The following ORC3 variants were observed in gnomAD, a reference collection of about 807,000 sequenced individuals.
ORC3 encodes origin recognition complex subunit 3, also known as homolog of latheo, Drosophila.
In ORC3, 78 loss-of-function variants were observed where a neutral mutation model predicts 100.7. The ratio of observed to expected loss-of-function variants is 0.77; its 90% confidence interval spans 0.65 to 0.94. ORC3 has a LOEUF of 0.94. ORC3 is among the 40% of genes least tolerant of loss of function. The pLI, the probability that ORC3 is intolerant of heterozygous loss-of-function variation, is 0.00. For missense variants in ORC3, 789 were observed against 823.9 expected (o/e 0.96, Z 0.52); for synonymous variants, 295 against 289.3 (o/e 1.02, Z -0.20).
At chr6:87,651,001 G>A in intron 13 of ORC3, 1 of 364,122 alleles carries the variant, frequency 2.7e-6, no homozygotes, top group Non-Finnish European at 5.4e-6. Flanking sequence ...GAGCAAAACT[G>A]CGTCTCAAAG....
In ORC3 at chr6:87,646,004, T is replaced by TC. The variant is rs1554251608; in HGVS notation, c.1383-7112_1383-7111insC. Among the ~76,000 whole-genome samples the TC allele has an allele frequency of 2.9e-3, 429 of 149,798 alleles. 7 individuals carry two copies. The highest frequency in any genetic ancestry group is 0.01 in the African/African-American group (407 of 40,402). On this transcript the variant is annotated intron_variant, in intron 13 of 19. Coordinates refer to ENST00000392844, the MANE Select transcript of ORC3 (RefSeq NM_012381.4). ...TTTTTCTTTTTTTTTTCTTTTTTTT[T>TC]GAGGCGGAGTCTTGCGCTGTTGCCC...
chr6:87,603,299 A>G lies in ORC3; in HGVS notation c.178-85A>G, dbSNP rs549366541. On this transcript the variant is annotated intron_variant, in intron 3 of 19. Transcript: ENST00000392844. Reference sequence around the variant, plus strand: ...TCTTTTGATCATTTTACATCATTGAATCCATGACAATTTTCTTTCCACAAC... The same window carrying G: ...TCTTTTGATCATTTTACATCATTGAGTCCATGACAATTTTCTTTCCACAAC... 89 of 684,796 alleles carry G rather than the reference A, an allele frequency of 1.3e-4. No homozygotes were observed. In the South Asian group the frequency reaches 3.4e-3, roughly 26 times the overall value. 42.4% of individuals were successfully genotyped at this position (684,796 alleles called of 1,614,324 possible). A position where few individuals can be genotyped will look rare whatever the true frequency, so the allele number is the denominator to read the frequency against.
chr6:87,660,905 T>C (rs1770129237), intron 16 of ORC3, among the ~76,000 whole-genome samples: 1 of 152,226 alleles, frequency 6.6e-6, no homozygotes, highest in Non-Finnish European at 1.5e-5. Flanking sequence ...TAATGTATAA[T>C]GTATTTTGTT....
At chr6:87,654,435 A>G (rs1466225304) in intron 14 of ORC3, among the ~76,000 whole-genome samples, 1 of 152,232 alleles carries the variant, frequency 6.6e-6, no homozygotes, top group Non-Finnish European at 1.5e-5. Flanking sequence ...TTCAGAACAC[A>G]AAAACTTTTA....
chr6:87,651,490 A>T (rs1769262769), intron 13 of ORC3: 1 of 302,834 alleles, frequency 3.3e-6, no homozygotes, highest in Admixed American at 3.9e-5. Flanking sequence ...TTTAAATCTC[A>T]ACTGTAATCA....
At chr6:87,594,732 T>G (rs1777304544) in intron 2 of ORC3, 1 of 231,974 alleles carries the variant, frequency 4.3e-6, no homozygotes, top group Non-Finnish European at 7.5e-6. Context: ...GAAAGTGAGT[T>G]TCTGCTAGAG....
intron 14 of ORC3, among the ~76,000 whole-genome samples, chr6:87,654,609 G>A (rs1769526232): frequency 2.0e-5 from 3 of 152,116 alleles, no homozygotes; most frequent in Admixed American, 6.5e-5. Flanking sequence ...TTTTTCTGTC[G>A]CTAATTCACG....
At chr6:87,591,585 T>C (rs1776969016) in intron 1 of ORC3, among the ~76,000 whole-genome samples, 1 of 152,218 alleles carries the variant, frequency 6.6e-6, no homozygotes, top group African/African-American at 2.4e-5. Context: ...GCACCTCTTA[T>C]TTTTATGTAT....
chr6:87,645,808 T>G (rs1376126182), intron 13 of ORC3, among the ~76,000 whole-genome samples: 1 of 152,164 alleles, frequency 6.6e-6, no homozygotes, highest in Admixed American at 6.5e-5. Context: ...TAATGATTGC[T>G]TAATGATTCT....
At chr6:87,605,633 G>C (rs1447668647) in intron 4 of ORC3, among the ~76,000 whole-genome samples, 1 of 150,872 alleles carries the variant, frequency 6.6e-6, no homozygotes, top group African/African-American at 2.4e-5. Context: ...CTGGATGACA[G>C]AGCGAGATTC....
chr6:87,622,017 G>T lies in ORC3; in HGVS notation c.1185+4G>T. 1 of 1,591,596 alleles carries T rather than the reference G, an allele frequency of 6.3e-7. No homozygotes were observed. Among genetic ancestry groups the T allele is most frequent in the South Asian group, 1.1e-5 (1 of 89,564 alleles). ...GACCAATGAGAGATATTTGAAGGTA[G>T]GAATGTGAATGTGTTTCAGTTTCAT... is the stretch of plus-strand genomic sequence containing the variant. On this transcript the variant is annotated splice_donor_region_variant and intron_variant, in intron 11 of 19. Coordinates refer to ENST00000392844, the MANE Select transcript of ORC3 (RefSeq NM_012381.4).
At chr6:87,661,954 AT>A (rs905011839) in intron 16 of ORC3, among the ~76,000 whole-genome samples, 5 of 152,156 alleles carry the variant, frequency 3.3e-5, no homozygotes, top group African/African-American at 1.2e-4. Flanking sequence ...TTAATGCCAT[AT>A]TTTTTAGTTC....
chr6:87,595,598 C>G (rs1777373223), intron 2 of ORC3, among the ~76,000 whole-genome samples: 1 of 152,162 alleles, frequency 6.6e-6, no homozygotes, highest in Non-Finnish European at 1.5e-5. Context: ...TCTTCACATC[C>G]TTTCTACCAG....
At position 87,609,227 on chromosome 6, in the gene ORC3, C is replaced by T; in HGVS notation, c.711C>T (p.Ser237=). 6.3e-7 allele frequency: 1 copy of T among 1,589,264 alleles called. No individual in the cohort carries two copies. Among genetic ancestry groups the T allele is most frequent in the Non-Finnish European group, 8.5e-7 (1 of 1,172,176 alleles). ...TKVLQDFIII[S]SQHLHEFPLI... The stretch of plus-strand genomic sequence containing the variant: ...TACTACAAGACTTCATAATTATCAG[C>T]AGGTAGATGGTGTATTACCTGGCTT... The change falls in exon 7 of 20, where the codon AGC becomes AGT. Residue 237 remains serine, a splice_region_variant and synonymous_variant. Coordinates refer to ENST00000392844, the MANE Select transcript of ORC3 (RefSeq NM_012381.4).
At chr6:87,622,946 A>G (rs1779637658) in intron 11 of ORC3, among the ~76,000 whole-genome samples, 2 of 152,178 alleles carry the variant, frequency 1.3e-5, no homozygotes, top group Admixed American at 1.3e-4. Context: ...CATACTCCTC[A>G]TGCCTTTTTT....
At chr6:87,603,721 G>A (rs933437520) in intron 4 of ORC3, among the ~76,000 whole-genome samples, 193 bp downstream of exon 4, 1 of 151,882 alleles carries the variant, frequency 6.6e-6, no homozygotes, top group African/African-American at 2.4e-5. Flanking sequence ...CTTTACAGAC[G>A]ATCATATGTT....
Position 87,616,805 on chromosome 6 carries a change from C to CT in ORC3, c.987+390dup, listed in dbSNP as rs112902935. Among the ~76,000 whole-genome samples the CT allele has an allele frequency of 1.3e-3, 189 of 144,588 alleles. 1 individual carries two copies. The highest frequency in any genetic ancestry group is 1.6e-3 in the Non-Finnish European group (103 of 65,458). The allele number at this position is 144,588 out of a possible 152,430, so 94.9% of individuals were successfully genotyped here. A position where few individuals can be genotyped will look rare whatever the true frequency, so the allele number is the denominator to read the frequency against. On this transcript the variant is annotated intron_variant, in intron 9 of 19. Coordinates refer to ENST00000392844, the MANE Select transcript of ORC3 (RefSeq NM_012381.4). ...AGGGCCAGATATTAAACATTTTTAGCTTTTTTTTTTTTCGAGATGGAGTTT... is the reference window on the plus strand; with the variant it reads ...AGGGCCAGATATTAAACATTTTTAGCTTTTTTTTTTTTTCGAGATGGAGTTT...
At chr6:87,660,663 C>T (rs940432757) in intron 16 of ORC3, among the ~76,000 whole-genome samples, 8 of 152,214 alleles carry the variant, frequency 5.3e-5, no homozygotes, top group African/African-American at 1.7e-4. Context: ...TTCTAAGTTA[C>T]TGTTTTTGCC....
chr6:87,650,123 C>T (rs1769141554), intron 13 of ORC3, among the ~76,000 whole-genome samples: 1 of 139,644 alleles, frequency 7.2e-6, no homozygotes, highest in African/African-American at 2.7e-5. Context: ...ATGGCATGAT[C>T]ACGGCTCACT....
Sources: gnomAD v4.1 joint callset for allele counts (sites outside exome capture counted in the v4.1 genomes callset) on GRCh38, gnomAD v4.1.1 for gene constraint, MANE v1.5 for transcripts, NCBI Gene and HGNC (gene_info 2026-07-23, HGNC 2026-07-21) for gene names.